Variants in CNTN5 observed in about 807,000 individuals in gnomAD.
CNTN5 encodes contactin 5.
A neutral mutation model predicts 129.1 loss-of-function variants in CNTN5; 77 were observed. That is an observed-to-expected ratio of 0.60 (90% CI 0.50 to 0.72). CNTN5 has a LOEUF of 0.72. Among genes scored for constraint, CNTN5 ranks in the 30% least tolerant of loss-of-function variants. CNTN5 has a pLI of 0.00. For synonymous variants in CNTN5, 509 were observed against 465.6 expected (o/e 1.09, Z -1.20); for missense variants, 1,478 against 1,328.8 (o/e 1.11, Z -1.75).
In CNTN5 at chr11:100,173,549, C is replaced by T. The variant is rs527595304; in HGVS notation, c.1581-17577C>T. Among the ~76,000 whole-genome samples the T allele has an allele frequency of 3.3e-5, 5 of 152,188 alleles. No homozygotes were observed. In the East Asian group the frequency reaches 9.7e-4, roughly 30 times the overall value. Reference sequence around the variant, plus strand: ...TAGAAAGGCAAGAGTATGCAAGTTTCCCGTGGGTTGGATGGATGGACTTTG... The same window carrying T: ...TAGAAAGGCAAGAGTATGCAAGTTTTCCGTGGGTTGGATGGATGGACTTTG... On this transcript the variant is annotated intron_variant, in intron 13 of 24. Coordinates refer to ENST00000524871, the MANE Select transcript of CNTN5 (RefSeq NM_014361.4).
At chr11:99,148,826 A>G (rs990788069) in intron 1 of CNTN5, among the ~76,000 whole-genome samples, 2 of 152,118 alleles carry the variant, frequency 1.3e-5, no homozygotes, top group Non-Finnish European at 2.9e-5. Flanking sequence ...TGAATGGAGC[A>G]CAAGATTATT....
chr11:100,283,069 G>C lies in CNTN5; in HGVS notation c.2314+11828G>C, dbSNP rs528876747. 2.0e-5 allele frequency among the ~76,000 whole-genome samples: 3 copies of C among 152,038 alleles called. No homozygotes were observed. The South Asian group carries it at 6.2e-4, about 32-fold the overall frequency. On this transcript the variant is annotated intron_variant, in intron 18 of 24. Transcript: ENST00000524871. ...ATCAGGGACCCCAAGAGCCCTCTTA[G>C]TTCTCTACACCTCTGTGGCTGAGCT...
In CNTN5 at chr11:100,289,664, G is replaced by C. The variant is rs1003841618; in HGVS notation, c.2315-7961G>C. Among the ~76,000 whole-genome samples the C allele has an allele frequency of 4.0e-5, 6 of 151,528 alleles. No individual in the cohort carries two copies. In the East Asian group the frequency reaches 9.7e-4, roughly 25 times the overall value. On this transcript the variant is annotated intron_variant, in intron 18 of 24. Transcript: ENST00000524871. ...CCACAGCCAATATCATACCGAATGG[G>C]CAAAAACTGGAAGCATTCCCTTTGA...
intron 3 of CNTN5, among the ~76,000 whole-genome samples, chr11:99,575,198 A>G (rs1177407458): frequency 1.3e-5 from 2 of 152,220 alleles, no homozygotes; most frequent in East Asian, 1.9e-4. Flanking sequence ...AGACGTGTCT[A>G]TATAATATTT....
intron 13 of CNTN5, among the ~76,000 whole-genome samples, chr11:100,140,540 T>C (rs147745111): frequency 2.0e-5 from 3 of 151,758 alleles, no homozygotes; most frequent in Non-Finnish European, 4.4e-5. Flanking sequence ...AAGGATGGAG[T>C]TGAAGTTCAA....
At chr11:99,503,375 G>A (rs1006230461) in intron 2 of CNTN5, among the ~76,000 whole-genome samples, 4 of 152,154 alleles carry the variant, frequency 2.6e-5, no homozygotes, top group East Asian at 3.8e-4. Context: ...AGACAGCAAC[G>A]TGTCTGGGTA....
At chr11:99,911,291 ATT>A (rs1203803840) in intron 6 of CNTN5, among the ~76,000 whole-genome samples, 1 of 152,024 alleles carries the variant, frequency 6.6e-6, no homozygotes, top group African/African-American at 2.4e-5. Context: ...TCTAAAACTC[ATT>A]AGGGCCACCT....
intron 1 of CNTN5, among the ~76,000 whole-genome samples, chr11:99,247,784 C>T (rs1468003659): frequency 6.6e-6 from 1 of 152,108 alleles, no homozygotes; most frequent in Non-Finnish European, 1.5e-5. Flanking sequence ...CTACAAAGGA[C>T]ATGAACTCAT....
chr11:99,939,472 T>C (rs535618318), intron 7 of CNTN5, among the ~76,000 whole-genome samples: 1 of 152,238 alleles, frequency 6.6e-6, no homozygotes, highest in Admixed American at 6.5e-5. Context: ...TCTGTATCTC[T>C]ACAAGGTAAA....
intron 2 of CNTN5, among the ~76,000 whole-genome samples, chr11:99,359,546 T>G (rs1362305766): frequency 1.3e-5 from 2 of 151,174 alleles, no homozygotes; most frequent in East Asian, 3.9e-4. Flanking sequence ...CCCGAAGTCT[T>G]ACCTTGTTCC....
intron 22 of CNTN5, 46 bp downstream of exon 22, chr11:100,340,695 T>G: frequency 1.3e-6 from 2 of 1,501,140 alleles, no homozygotes; most frequent in Non-Finnish European, 8.9e-7. Flanking sequence ...AGGGGAAACA[T>G]CGTATAACAT....
chr11:99,877,991 A>G (rs1223522391), intron 6 of CNTN5, among the ~76,000 whole-genome samples: 1 of 152,212 alleles, frequency 6.6e-6, no homozygotes, highest in Non-Finnish European at 1.5e-5. Flanking sequence ...AGTCTACTTC[A>G]ATACAGTCTG....
intron 1 of CNTN5, among the ~76,000 whole-genome samples, chr11:99,118,916 G>T (rs1381560421): frequency 6.6e-6 from 1 of 151,420 alleles, no homozygotes; most frequent in Non-Finnish European, 1.5e-5. Flanking sequence ...CCTTAATTAT[G>T]CTGTATTTAT....
At chr11:99,587,196 T>C (rs1949821282) in intron 3 of CNTN5, among the ~76,000 whole-genome samples, 1 of 152,168 alleles carries the variant, frequency 6.6e-6, no homozygotes, top group South Asian at 2.1e-4. Context: ...ATCCTGTCTC[T>C]GACAACAGAG....
chr11:100,195,929 G>A (rs928063756), intron 15 of CNTN5, among the ~76,000 whole-genome samples: 3 of 149,140 alleles, frequency 2.0e-5, no homozygotes, highest in Admixed American at 1.3e-4. Flanking sequence ...ATATAAAAGT[G>A]TTATAAAGGC....
At chr11:99,967,148 T>G (rs1591496353) in intron 8 of CNTN5, among the ~76,000 whole-genome samples, 1 of 152,232 alleles carries the variant, frequency 6.6e-6, no homozygotes, top group East Asian at 1.9e-4. Flanking sequence ...ATACACAGAC[T>G]ATAATAAAAT....
At position 100,299,315 on chromosome 11, in the gene CNTN5, T is replaced by G; in HGVS notation, c.2539T>G (p.Phe847Val). Residue 847 changes from phenylalanine to valine, a missense_variant, in exon 20 of 25, where the codon TTT (phenylalanine) becomes GTT (valine). Physicochemically the swap from Phe to Val is conservative, Grantham distance 50. Coordinates refer to ENST00000524871, the MANE Select transcript of CNTN5 (RefSeq NM_014361.4). ...TGAAAGTGTCCCTCCTCTTACTCCCTTTGAAGTGAAAGTTGGCGTTTATAA... is the reference window on the plus strand; with the variant it reads ...TGAAAGTGTCCCTCCTCTTACTCCCGTTGAAGTGAAAGTTGGCGTTTATAA... ...RDESVPPLTPFEVKVGVYNNK... is the reference protein window; with the variant it reads ...RDESVPPLTPVEVKVGVYNNK... 1 of 1,610,572 alleles carries G rather than the reference T, an allele frequency of 6.2e-7. No individual in the cohort carries two copies. Among genetic ancestry groups the G allele is most frequent in the East Asian group, 2.2e-5 (1 of 44,778 alleles).
intron 2 of CNTN5, among the ~76,000 whole-genome samples, chr11:99,541,113 C>T (rs1948092055): frequency 6.6e-6 from 1 of 152,182 alleles, no homozygotes; most frequent in Non-Finnish European, 1.5e-5. Flanking sequence ...AACAACTCCA[C>T]ACTTGAGAAA....
At chr11:99,275,287 C>T (rs1328382447) in intron 1 of CNTN5, among the ~76,000 whole-genome samples, 1 of 151,130 alleles carries the variant, frequency 6.6e-6, no homozygotes, top group African/African-American at 2.4e-5. Context: ...AATATATTTC[C>T]ACTCCCTAAA....
Sources: gnomAD v4.1 joint callset for allele counts (sites outside exome capture counted in the v4.1 genomes callset) on GRCh38, gnomAD v4.1.1 for gene constraint, MANE v1.5 for transcripts, NCBI Gene and HGNC (gene_info 2026-07-23, HGNC 2026-07-21) for gene names.